Variants in PRR23E observed in about 807,000 individuals in gnomAD.
PRR23E encodes the protein PRR23 family member E, also known as proline-rich protein 23E.
chr3:127,194,180 A>T, the PRR23E span, among the ~76,000 whole-genome samples: 12 of 152,196 alleles, frequency 7.9e-5, 2 homozygotes, highest in East Asian at 1.9e-4. Context: ...GGCCTTCTCC[A>T]CCATATTAAG....
chr3:127,196,589 A>G, the PRR23E span: 20 of 1,443,784 alleles, frequency 1.4e-5, no homozygotes, highest in Non-Finnish European at 1.8e-5. Flanking sequence ...CTCACCCCAC[A>G]GATACCAGGA....
At chr3:127,196,575 T>G in the PRR23E span, 2 of 1,432,490 alleles carry the variant, frequency 1.4e-6, no homozygotes, top group Non-Finnish European at 1.8e-6. Flanking sequence ...TGACTGGCTG[T>G]CTGCTCACCC....
chr3:127,196,940 G>A, the PRR23E span: 1 of 1,599,464 alleles, frequency 6.3e-7, no homozygotes, highest in Non-Finnish European at 8.5e-7. Flanking sequence ...TCTATGGTGG[G>A]TATCTCTGGA....
At chr3:127,193,906 A>G in the PRR23E span, among the ~76,000 whole-genome samples, 1 of 152,194 alleles carries the variant, frequency 6.6e-6, no homozygotes, top group Non-Finnish European at 1.5e-5. Flanking sequence ...TGTATAGCTT[A>G]TTCTGTGGCT....
chr3:127,197,328 AT>A, the PRR23E span: 1 of 1,596,730 alleles, frequency 6.3e-7, no homozygotes, highest in Non-Finnish European at 8.5e-7. Context: ...CCCTTCCCCC[AT>A]TGAAGATTCT....
chr3:127,194,268 A>G, the PRR23E span, among the ~76,000 whole-genome samples: 6 of 152,162 alleles, frequency 3.9e-5, no homozygotes, highest in African/African-American at 1.2e-4. Flanking sequence ...CCTGGGCCAC[A>G]CTGGAAGAAG....
chr3:127,196,861 C>T, the PRR23E span: 2 of 1,599,396 alleles, frequency 1.3e-6, no homozygotes, highest in Non-Finnish European at 1.7e-6. Flanking sequence ...GCCCTCTGGC[C>T]TGTCATCTAC....
the PRR23E span, among the ~76,000 whole-genome samples, chr3:127,193,579 G>T: frequency 6.6e-6 from 1 of 151,922 alleles, no homozygotes; most frequent in Non-Finnish European, 1.5e-5. Context: ...CCCTCCACCC[G>T]CTGCAGCTGC....
chr3:127,196,839 G>C, the PRR23E span: 3 of 1,599,180 alleles, frequency 1.9e-6, no homozygotes, highest in South Asian at 2.2e-5. Context: ...AGCCCAGCCT[G>C]TAACTGACCT....
the PRR23E span, chr3:127,197,215 C>A: frequency 6.3e-7 from 1 of 1,597,570 alleles, no homozygotes; most frequent in Non-Finnish European, 8.5e-7. Flanking sequence ...TCCAGAGGAG[C>A]TCCCTACTTG....
chr3:127,196,645 G>T, the PRR23E span: 1 of 1,532,848 alleles, frequency 6.5e-7, no homozygotes, highest in Non-Finnish European at 8.7e-7. Flanking sequence ...GAGTGCACTT[G>T]CCAGACACTT....
At chr3:127,195,031 C>T in the PRR23E span, among the ~76,000 whole-genome samples, 1 of 152,204 alleles carries the variant, frequency 6.6e-6, no homozygotes, top group South Asian at 2.1e-4. Flanking sequence ...AGAAAGAGCG[C>T]TGGTGCTCTC....
the PRR23E span, chr3:127,196,621 C>A: frequency 2.0e-6 from 3 of 1,490,208 alleles, no homozygotes; most frequent in Non-Finnish European, 8.9e-7. Context: ...TGCGTGTGGC[C>A]TCAGCTTGCA....
At chr3:127,194,131 ATCTGCCTGTATTT>A in the PRR23E span, among the ~76,000 whole-genome samples, 27 of 152,290 alleles carry the variant, frequency 1.8e-4, no homozygotes, top group Admixed American at 1.4e-3. Context: ...AGCCAGTTTT[ATCTGCCTGTATTT>A]TCTTGTCTTG....
chr3:127,196,596 A>G, the PRR23E span: 6 of 1,449,690 alleles, frequency 4.1e-6, no homozygotes, highest in Non-Finnish European at 5.4e-6. Context: ...CACAGATACC[A>G]GGAGCCCCGT....
At chr3:127,196,696 G>C in the PRR23E span, 1 of 1,590,120 alleles carries the variant, frequency 6.3e-7, no homozygotes, top group Non-Finnish European at 8.5e-7. Flanking sequence ...ATGGGCACAG[G>C]TGCATCAGAG....
chr3:127,197,123 C>A, the PRR23E span: 10 of 1,597,626 alleles, frequency 6.3e-6, no homozygotes, highest in Non-Finnish European at 8.5e-6. Context: ...CCACTCTGGG[C>A]GGGGCCACCT....
chr3:127,197,162 G>A, the PRR23E span: 3 of 1,592,036 alleles, frequency 1.9e-6, no homozygotes, highest in African/African-American at 1.3e-5. Context: ...TGGGATGCTG[G>A]ACTCCAGCCA....
chr3:127,195,703 C>G, the PRR23E span, among the ~76,000 whole-genome samples: 4 of 152,164 alleles, frequency 2.6e-5, no homozygotes, highest in African/African-American at 7.2e-5. Context: ...CCTCAGGACC[C>G]CAGGGGTCCT....
Sources: allele counts gnomAD v4.1 joint callset (sites outside exome capture counted in the v4.1 genomes callset), GRCh38; gene constraint gnomAD v4.1.1; transcripts MANE v1.5; gene names NCBI Gene and HGNC (gene_info 2026-07-23, HGNC 2026-07-21).